ERLEC1: variants seen among roughly 807,000 people sequenced by gnomAD.
ERLEC1 encodes endoplasmic reticulum lectin 1.
In ERLEC1, 47 loss-of-function variants were observed where a neutral mutation model predicts 68.0. The ratio of observed to expected loss-of-function variants is 0.69; its 90% confidence interval spans 0.55 to 0.88. The LOEUF (loss-of-function observed/expected upper bound fraction) is 0.88. Among genes scored for constraint, ERLEC1 ranks in the 40% least tolerant of loss-of-function variants. The pLI is 0.00. For missense variants in ERLEC1, 567 were observed against 583.8 expected (o/e 0.97, Z 0.30); for synonymous variants, 225 against 203.2 (o/e 1.11, Z -0.91).
At chr2:53,805,059 A>G (rs1285043377) in intron 8 of ERLEC1, among the ~76,000 whole-genome samples, 2 of 142,696 alleles carry the variant, frequency 1.4e-5, no homozygotes, top group Admixed American at 7.3e-5. Flanking sequence ...CAGTGGTGCA[A>G]TCTCTGCTCA....
At chr2:53,797,481 C>A (rs201308166) in intron 3 of ERLEC1, 34 bp from the exon 4 acceptor site, 38 of 1,514,090 alleles carry the variant, frequency 2.5e-5, no homozygotes, top group Non-Finnish European at 3.4e-5. Context: ...AGTTATGTGG[C>A]TTTTGTGCAT....
At chr2:53,796,124 C>A in intron 3 of ERLEC1, 111 bp downstream of exon 3, 1 of 684,352 alleles carries the variant, frequency 1.5e-6, no homozygotes, top group South Asian at 2.2e-5. Flanking sequence ...TTTTTTTTAA[C>A]TATTATTTTA....
intron 10 of ERLEC1, among the ~76,000 whole-genome samples, chr2:53,811,641 G>A (rs901516601): frequency 6.6e-6 from 1 of 152,082 alleles, no homozygotes; most frequent in African/African-American, 2.4e-5. Flanking sequence ...CTTAAGAAGT[G>A]GTTATTGTTA....
At chr2:53,812,898 C>G in intron 10 of ERLEC1, 51 bp from the exon 11 acceptor site, 1 of 1,583,842 alleles carries the variant, frequency 6.3e-7, no homozygotes, top group Non-Finnish European at 8.6e-7. Flanking sequence ...GCATAAATAT[C>G]TACTTGATGA....
intron 9 of ERLEC1, 32 bp from the exon 10 acceptor site, chr2:53,809,182 A>G (rs746851684): frequency 1.3e-6 from 2 of 1,540,710 alleles, no homozygotes; most frequent in South Asian, 2.4e-5. Context: ...CCCAGTTCTT[A>G]ACTTGATCTA....
At chr2:53,812,865 C>T (rs1676663358) in intron 10 of ERLEC1, 84 bp from the exon 11 acceptor site, 1 of 1,438,438 alleles carries the variant, frequency 7.0e-7, no homozygotes, top group Non-Finnish European at 9.5e-7. Context: ...TAAAGACTAG[C>T]TTACAAGAAG....
intron 8 of ERLEC1, among the ~76,000 whole-genome samples, chr2:53,804,787 C>A (rs1441176943): frequency 6.6e-6 from 1 of 151,982 alleles, no homozygotes; most frequent in Non-Finnish European, 1.5e-5. Context: ...TAACCATCCC[C>A]ACCTCCTTCA....
intron 8 of ERLEC1, among the ~76,000 whole-genome samples, chr2:53,802,972 A>C (rs1035446165): frequency 6.6e-6 from 1 of 152,034 alleles, no homozygotes; most frequent in African/African-American, 2.4e-5. Context: ...ATGAACTTCT[A>C]CTTAGGCTTG....
chr2:53,815,648 A>C (rs530962208), intron 13 of ERLEC1, among the ~76,000 whole-genome samples: 1 of 152,174 alleles, frequency 6.6e-6, no homozygotes, highest in Non-Finnish European at 1.5e-5. Context: ...TGGATTCCAC[A>C]TGAATGGAAT....
rs1384514795 is a variant in ERLEC1, at chr2:53,813,023, G to A, written c.1176G>A (p.Lys392=). The change falls in exon 11 of 14, where the codon AAG becomes AAA. Residue 392 remains lysine, a synonymous_variant. Transcript: ENST00000185150. Reference sequence around the variant, plus strand: ...AAGAGCATATTGAATGGGCTAAGAAGAATACTGCTAGAGCTTATCATCTTC... The same window carrying A: ...AAGAGCATATTGAATGGGCTAAGAAAAATACTGCTAGAGCTTATCATCTTC... The part of the protein sequence containing the change: ...NQEEHIEWAK[K]NTARAYHLQD... 4 of 1,613,698 alleles carry A rather than the reference G, an allele frequency of 2.5e-6. No individual in the cohort carries two copies. The highest frequency in any genetic ancestry group is 3.4e-6 in the Non-Finnish European group (4 of 1,179,944).
Position 53,787,300 on chromosome 2 carries a change from C to A in ERLEC1, c.90C>A (p.Gly30=). ...GCGGCCTCCTGGAGGCGTCCGGCGG[C>A]GGCCGAGCCCTTCCTCAACTCAGCG... ...VLCGLLEASG[G]GRALPQLSDD... Residue 30 remains glycine (G), a synonymous_variant, in exon 1 of 14, where the codon GGC becomes GGA. Transcript: ENST00000185150. 1 of 1,610,308 alleles carries A rather than the reference C, an allele frequency of 6.2e-7. No homozygotes were observed. The highest frequency in any genetic ancestry group is 8.5e-7 in the Non-Finnish European group (1 of 1,179,980).
rs529908087 is a variant in ERLEC1 at position 53,807,022 on chromosome 2, G to C, written c.880-1277G>C. On this transcript the variant is annotated intron_variant, in intron 8 of 13. Coordinates refer to ENST00000185150, the MANE Select transcript of ERLEC1 (RefSeq NM_015701.5). ...CTCCTAACTTGACTCTCTTCCTCTA[G>C]ATTTGTCCCTGCTATTCCTTCTTCC... Among the ~76,000 whole-genome samples, 26 of 152,162 alleles carry C rather than the reference G, an allele frequency of 1.7e-4. No individual in the cohort carries two copies. In the South Asian group the frequency reaches 4.8e-3, roughly 28 times the overall value.
At chr2:53,787,663 C>T (rs761580468) in intron 1 of ERLEC1, 1 of 327,468 alleles carries the variant, frequency 3.1e-6, no homozygotes, top group Non-Finnish European at 5.5e-6. Context: ...AAGCAGCTTT[C>T]GTAGAATAAC....
chr2:53,808,213 A>T (rs924941711), intron 8 of ERLEC1, 86 bp from the exon 9 acceptor site: 16 of 1,412,614 alleles, frequency 1.1e-5, no homozygotes, highest in Non-Finnish European at 1.5e-5. Flanking sequence ...AATTTTCTGC[A>T]GTTTAAAAAT....
At chr2:53,790,027 A>AG (rs1374571392) in intron 1 of ERLEC1, among the ~76,000 whole-genome samples, 3 of 151,314 alleles carry the variant, frequency 2.0e-5, no homozygotes, top group African/African-American at 7.3e-5. Flanking sequence ...AAAAAAAAAA[A>AG]AAAAGAAAAG....
At chr2:53,804,001 C>T (rs1295626973) in intron 8 of ERLEC1, among the ~76,000 whole-genome samples, 6 of 152,110 alleles carry the variant, frequency 3.9e-5, no homozygotes, top group African/African-American at 1.4e-4. Context: ...CACGGTGATA[C>T]ACACCTGCAG....
rs764724218 is a variant in ERLEC1, at chr2:53,797,584, A to T, written c.418A>T (p.Thr140Ser). ...TCGGCAGTACCATGAAGAGAAAGAA[A>T]CTGGTCAGGTGTGTTTTTCTTCAAA... is the stretch of plus-strand genomic sequence containing the variant. ...HIRQYHEEKETGQKINIHEYY... is the reference protein window; with the variant it reads ...HIRQYHEEKESGQKINIHEYY... The change falls in exon 4 of 14, where the codon ACT (threonine) becomes TCT (serine). Residue 140 changes from threonine to serine, a missense_variant. By Grantham distance (58) the Thr-to-Ser change is moderately conservative. Transcript: ENST00000185150. 1 of 1,611,958 alleles carries T rather than the reference A, an allele frequency of 6.2e-7. No individual in the cohort carries two copies. Among genetic ancestry groups the T allele is most frequent in the Non-Finnish European group, 8.5e-7 (1 of 1,179,286 alleles).
intron 1 of ERLEC1, among the ~76,000 whole-genome samples, chr2:53,792,069 G>A (rs1451962946): frequency 2.6e-5 from 4 of 151,620 alleles, no homozygotes; most frequent in African/African-American, 7.3e-5. Context: ...CCGCCACCAC[G>A]GCCGGCTAAA....
intron 10 of ERLEC1, among the ~76,000 whole-genome samples, chr2:53,811,708 T>G (rs775361949): frequency 2.6e-5 from 4 of 152,124 alleles, no homozygotes; most frequent in Non-Finnish European, 4.4e-5. Context: ...GTCAAATAGG[T>G]AGTAACTGGG....
Sources: allele counts gnomAD v4.1 joint callset (sites outside exome capture counted in the v4.1 genomes callset), GRCh38; gene constraint gnomAD v4.1.1; transcripts MANE v1.5; gene names NCBI Gene and HGNC (gene_info 2026-07-23, HGNC 2026-07-21).